ZHX3: variants seen among roughly 807,000 people sequenced by gnomAD.
The protein encoded by ZHX3 is zinc fingers and homeoboxes protein 3.
Under a neutral mutation model 64.5 loss-of-function variants are expected in ZHX3, and 20 were observed. That is an observed-to-expected ratio of 0.31 (90% CI 0.22 to 0.45). The LOEUF (loss-of-function observed/expected upper bound fraction) is 0.45, where lower values mean the gene tolerates loss of function less well. Among genes scored for constraint, ZHX3 ranks in the 20% least tolerant of loss-of-function variants. ZHX3 has a pLI of 1.00. For missense variants in ZHX3, 1,041 were observed against 1,195.8 expected (o/e 0.87, Z 1.91); for synonymous variants, 423 against 461.6 (o/e 0.92, Z 1.07).
chr20:41,255,309 G>A (rs1228306665), intron 2 of ZHX3, among the ~76,000 whole-genome samples: 1 of 151,992 alleles, frequency 6.6e-6, no homozygotes, highest in Non-Finnish European at 1.5e-5. Flanking sequence ...CCGCCACCAT[G>A]CCCAGCTAAT....
intron 1 of ZHX3, among the ~76,000 whole-genome samples, chr20:41,306,549 G>C (rs2044984529): frequency 6.6e-6 from 1 of 152,204 alleles, no homozygotes. Flanking sequence ...GACCATGTCT[G>C]ATTTGCTCTC....
intron 1 of ZHX3, among the ~76,000 whole-genome samples, chr20:41,306,805 G>A (rs1568966510): frequency 6.6e-6 from 1 of 152,168 alleles, no homozygotes; most frequent in East Asian, 1.9e-4. Flanking sequence ...CTGGGCCAGG[G>A]CCCCATTTCA....
intron 1 of ZHX3, among the ~76,000 whole-genome samples, chr20:41,312,337 C>T (rs956173090): frequency 2.6e-5 from 4 of 152,142 alleles, no homozygotes; most frequent in Non-Finnish European, 4.4e-5. Flanking sequence ...AGCTAGCCAC[C>T]CCAGCCAGTA....
intron 3 of ZHX3, among the ~76,000 whole-genome samples, chr20:41,198,447 A>G (rs1175693478): frequency 6.6e-6 from 1 of 151,892 alleles, no homozygotes; most frequent in Non-Finnish European, 1.5e-5. Flanking sequence ...ATTTTTGAAG[A>G]ATAGTTTTGC....
intron 1 of ZHX3, among the ~76,000 whole-genome samples, chr20:41,293,768 G>A (rs1370897315): frequency 6.6e-6 from 1 of 152,162 alleles, no homozygotes; most frequent in Non-Finnish European, 1.5e-5. Flanking sequence ...TGACAATGTG[G>A]GGACATCATG....
chr20:41,218,966 G>T (rs1470104673), intron 2 of ZHX3, among the ~76,000 whole-genome samples: 4 of 119,356 alleles, frequency 3.4e-5, no homozygotes, highest in African/African-American at 1.3e-4. Context: ...GTCTCGCTCT[G>T]TCGCCTAGGC....
chr20:41,239,130 G>A (rs1304538109), intron 2 of ZHX3, among the ~76,000 whole-genome samples: 1 of 150,376 alleles, frequency 6.6e-6, no homozygotes, highest in East Asian at 2.0e-4. Context: ...AGCCTCCCGA[G>A]TAGCTGGGGC....
chr20:41,188,901 T>C lies in ZHX3; in HGVS notation c.2861-3700A>G, dbSNP rs79438991. Among the ~76,000 whole-genome samples the C allele has an allele frequency of 5.0e-3, 760 of 152,346 alleles. 2 individuals are homozygous for C. Among genetic ancestry groups the C allele is most frequent in the African/African-American group, 0.017 (719 of 41,590 alleles). On this transcript the variant is annotated intron_variant, in intron 3 of 3. Coordinates refer to ENST00000683867, the MANE Select transcript of ZHX3 (RefSeq NM_001384317.1). ...TGTTTTAGTTGTGTTTTTGAGGTCT[T>C]AGCCATAAAATCGTTGCTCAGACCA...
rs755769138 is a variant in ZHX3 at position 41,203,523 on chromosome 20, T to A, written c.1394A>T (p.Asn465Ile). Residue 465 changes from asparagine (N) to isoleucine (I), a missense_variant, in exon 3 of 4, where the codon AAT (asparagine) becomes ATT (isoleucine). Physicochemically the swap from Asn to Ile is moderately radical, Grantham distance 149. Coordinates refer to ENST00000683867, the MANE Select transcript of ZHX3 (RefSeq NM_001384317.1). This position sits in a 1 kb window ranked among gnomAD's most constrained non-coding sequence, Gnocchi z 7.1. Reference protein sequence around the residue: ...GVAPINTVCSNTTSAVKVVNA... With the variant: ...GVAPINTVCSITTSAVKVVNA... Reference sequence around the variant, plus strand: ...GACCACCTTCACAGCTGACGTTGTATTTGAACACACAGTGTTAATGGGTGC... The same window carrying A: ...GACCACCTTCACAGCTGACGTTGTAATTGAACACACAGTGTTAATGGGTGC... 2 of 1,614,158 alleles carry A rather than the reference T, an allele frequency of 1.2e-6. No homozygotes were observed. Among genetic ancestry groups the A allele is most frequent in the South Asian group, 2.2e-5 (2 of 91,066 alleles).
intron 1 of ZHX3, among the ~76,000 whole-genome samples, chr20:41,277,337 A>G (rs1350504566): frequency 6.6e-6 from 1 of 152,222 alleles, no homozygotes; most frequent in Non-Finnish European, 1.5e-5. Context: ...ATACTTTTTT[A>G]AAATGACACA....
chr20:41,196,442 A>AATATATAT (rs2037582296), intron 3 of ZHX3, among the ~76,000 whole-genome samples: 1 of 57,028 alleles, frequency 1.8e-5, no homozygotes, highest in Non-Finnish European at 3.0e-5. Context: ...AAATATATAT[A>AATATATAT]TTATATATAA....
At chr20:41,308,118 C>A (rs1348971075) in intron 1 of ZHX3, among the ~76,000 whole-genome samples, 1 of 152,228 alleles carries the variant, frequency 6.6e-6, no homozygotes, top group African/African-American at 2.4e-5. Flanking sequence ...CACCATCACA[C>A]TGATCGGTTG....
Position 41,185,402 on chromosome 20 carries a change from C to T in ZHX3, c.2861-201G>A, listed in dbSNP as rs370087766. 1.3e-4 allele frequency among the ~76,000 whole-genome samples: 19 copies of T among 149,216 alleles called. No individual in the cohort carries two copies. Among genetic ancestry groups the T allele is most frequent in the African/African-American group, 4.9e-4 (19 of 39,174 alleles). On this transcript the variant is annotated intron_variant, in intron 3 of 3. Transcript: ENST00000683867. This position sits in a 1 kb window ranked among gnomAD's most constrained non-coding sequence, Gnocchi z 5.0. ...GGTTAAGGACAGGATGCTGGCTCAACCTTGTAAGGCCATCAGACTCTCTGA... is the reference window on the plus strand; with the variant it reads ...GGTTAAGGACAGGATGCTGGCTCAATCTTGTAAGGCCATCAGACTCTCTGA...
chr20:41,253,435 C>CT (rs1358755622), intron 2 of ZHX3, among the ~76,000 whole-genome samples: 2 of 152,162 alleles, frequency 1.3e-5, no homozygotes, highest in East Asian at 3.9e-4. Context: ...ACCTTGGTTT[C>CT]TTTTTTCCAT....
chr20:41,185,523 C>A lies in ZHX3; in HGVS notation c.2861-322G>T, dbSNP rs757275545. On this transcript the variant is annotated intron_variant, in intron 3 of 3. Transcript: ENST00000683867. The surrounding 1 kb of genome is among the most constrained non-coding windows in gnomAD (Gnocchi z 5.0). Reference sequence around the variant, plus strand: ...CTAGCTCCCCAGGCTTCCGCCACCACCGTCTCTGGAGTCCTGTCCTAAAAT... The same window carrying A: ...CTAGCTCCCCAGGCTTCCGCCACCAACGTCTCTGGAGTCCTGTCCTAAAAT... 1.4e-5 allele frequency: 7 copies of A among 504,168 alleles called. No individual in the cohort carries two copies. The highest frequency in any genetic ancestry group is 2.4e-5 in the Non-Finnish European group (7 of 287,122). 31.2% of individuals were successfully genotyped at this position (504,168 alleles called of 1,614,324 possible).
chr20:41,219,835 G>A lies in ZHX3; in HGVS notation c.-150-14769C>T, dbSNP rs1348652026. Reference sequence around the variant, plus strand: ...CACCTCCAGGGGAAAAGTTTTATGAGAAAGTATAGGCTTTGCCTCACTATT... The same window carrying A: ...CACCTCCAGGGGAAAAGTTTTATGAAAAAGTATAGGCTTTGCCTCACTATT... On this transcript the variant is annotated intron_variant, in intron 2 of 3. Transcript: ENST00000683867. This position sits in a 1 kb window ranked among gnomAD's most constrained non-coding sequence, Gnocchi z 5.0. Among the ~76,000 whole-genome samples the A allele has an allele frequency of 1.3e-5, 2 of 152,230 alleles. No individual in the cohort carries two copies. The highest frequency in any genetic ancestry group is 2.9e-5 in the Non-Finnish European group (2 of 68,034).
chr20:41,285,105 G>C (rs977958038), intron 1 of ZHX3, among the ~76,000 whole-genome samples: 3 of 151,896 alleles, frequency 2.0e-5, no homozygotes. Flanking sequence ...TGATCCTTCT[G>C]CTTGCCATTC....
intron 2 of ZHX3, among the ~76,000 whole-genome samples, chr20:41,260,101 C>A (rs1445868431): frequency 6.6e-6 from 1 of 150,828 alleles, no homozygotes; most frequent in Non-Finnish European, 1.5e-5. Flanking sequence ...TGCTAATACT[C>A]ATTTCTAATA....
intron 1 of ZHX3, among the ~76,000 whole-genome samples, chr20:41,271,468 G>A (rs2043146384): frequency 6.6e-6 from 1 of 152,168 alleles, no homozygotes; most frequent in Admixed American, 6.6e-5. Flanking sequence ...CAAAAGCTAT[G>A]GGTTCAATCC....
Sources: allele counts gnomAD v4.1 joint callset (sites outside exome capture counted in the v4.1 genomes callset), GRCh38; gene constraint gnomAD v4.1.1; non-coding constraint Gnocchi (gnomAD v3.1); transcripts MANE v1.5; gene names NCBI Gene and HGNC (gene_info 2026-07-23, HGNC 2026-07-21).